Variants in CNTN5 observed in about 807,000 individuals in gnomAD.
The protein encoded by CNTN5 is contactin 5, also known as contactin-5.
A neutral mutation model predicts 129.1 loss-of-function variants in CNTN5; 77 were observed. The ratio of observed to expected loss-of-function variants is 0.60; its 90% confidence interval spans 0.50 to 0.72. The LOEUF (loss-of-function observed/expected upper bound fraction) is 0.72. Among genes scored for constraint, CNTN5 ranks in the 30% least tolerant of loss-of-function variants. CNTN5 has a pLI of 0.00. For synonymous variants in CNTN5, 509 were observed against 465.6 expected, an observed-to-expected ratio of 1.09 and a Z score of -1.20; for missense variants, 1,478 against 1,328.8, an observed-to-expected ratio of 1.11 and a Z score of -1.75.
intron 3 of CNTN5, among the ~76,000 whole-genome samples, chr11:99,594,372 G>C (rs143644284): frequency 6.6e-6 from 1 of 152,112 alleles, no homozygotes; most frequent in Admixed American, 6.6e-5. Context: ...CTGCCTGTCT[G>C]GGGGATGTTG....
At chr11:100,332,857 G>A (rs370098374) in intron 21 of CNTN5, among the ~76,000 whole-genome samples, 2 of 152,164 alleles carry the variant, frequency 1.3e-5, no homozygotes, top group South Asian at 2.1e-4. Context: ...GGGAAAACTC[G>A]AAACCATTTC....
At chr11:100,176,010 G>T (rs567245676) in intron 13 of CNTN5, among the ~76,000 whole-genome samples, 11 of 151,996 alleles carry the variant, frequency 7.2e-5, no homozygotes, top group African/African-American at 2.7e-4. Flanking sequence ...TGACTTTATA[G>T]TTGAAGGGAT....
intron 13 of CNTN5, among the ~76,000 whole-genome samples, chr11:100,187,834 T>A (rs1019549260): frequency 2.6e-5 from 4 of 152,052 alleles, no homozygotes; most frequent in African/African-American, 9.7e-5. Flanking sequence ...AGTATAAGAA[T>A]CCTAGAAGAA....
chr11:100,017,785 CACAA>C (rs1201399609), intron 9 of CNTN5, among the ~76,000 whole-genome samples: 7 of 151,914 alleles, frequency 4.6e-5, no homozygotes, highest in African/African-American at 1.7e-4. Flanking sequence ...GGATTTCACA[CACAA>C]ACACTTTTTG....
At chr11:100,237,016 C>G (rs1008699097) in intron 16 of CNTN5, among the ~76,000 whole-genome samples, 1 of 151,682 alleles carries the variant, frequency 6.6e-6, no homozygotes, top group African/African-American at 2.4e-5. Context: ...AGTGAAACCC[C>G]GTCTCTACTA....
chr11:99,918,688 G>A (rs924665278), intron 7 of CNTN5, among the ~76,000 whole-genome samples: 5 of 152,140 alleles, frequency 3.3e-5, no homozygotes, highest in African/African-American at 9.7e-5. Flanking sequence ...GTATAGCATA[G>A]TGTACTATAG....
At chr11:100,072,989 G>GAAAAAAAAAA (rs1943983679) in intron 12 of CNTN5, among the ~76,000 whole-genome samples, 5 of 17,998 alleles carry the variant, frequency 2.8e-4, no homozygotes, top group Non-Finnish European at 3.8e-4. Context: ...TTCCCAGGAG[G>GAAAAAAAAAA]CAAAAAAAAA....
At chr11:100,001,742 G>GT (rs1166542683) in intron 8 of CNTN5, among the ~76,000 whole-genome samples, 2 of 152,118 alleles carry the variant, frequency 1.3e-5, no homozygotes, top group Non-Finnish European at 2.9e-5. Flanking sequence ...AATAGTCATA[G>GT]TTTTTTTAGA....
At chr11:99,905,150 C>G (rs773729661) in intron 6 of CNTN5, among the ~76,000 whole-genome samples, 1 of 152,116 alleles carries the variant, frequency 6.6e-6, no homozygotes, top group Non-Finnish European at 1.5e-5. Flanking sequence ...TTAATTAGAT[C>G]TCATTTGTCA....
chr11:99,918,195 G>C (rs372034534), intron 7 of CNTN5, among the ~76,000 whole-genome samples: 29 of 151,954 alleles, frequency 1.9e-4, no homozygotes, highest in African/African-American at 6.8e-4. Flanking sequence ...CTTTTATACA[G>C]CTTCAATTTT....
At chr11:99,686,763 G>C (rs1366723316) in intron 3 of CNTN5, among the ~76,000 whole-genome samples, 1 of 152,154 alleles carries the variant, frequency 6.6e-6, no homozygotes, top group Non-Finnish European at 1.5e-5. Flanking sequence ...GTAATGGAGA[G>C]CTTGTGGACT....
intron 8 of CNTN5, among the ~76,000 whole-genome samples, chr11:99,975,780 G>A (rs1205314636): frequency 6.6e-6 from 1 of 152,168 alleles, no homozygotes; most frequent in African/African-American, 2.4e-5. Context: ...AGATTTGGAT[G>A]GGGACACAGA....
chr11:99,773,610 A>T (rs1345722521), intron 3 of CNTN5, among the ~76,000 whole-genome samples: 8 of 152,102 alleles, frequency 5.3e-5, no homozygotes, highest in Admixed American at 3.9e-4. Flanking sequence ...TGGTCATTTT[A>T]ATGTATAATT....
intron 2 of CNTN5, among the ~76,000 whole-genome samples, chr11:99,411,509 G>C (rs1055349011): frequency 2.0e-4 from 30 of 151,994 alleles, no homozygotes; most frequent in Non-Finnish European, 4.4e-5. Flanking sequence ...GACAGAATGA[G>C]ACCTTGTCTC....
intron 2 of CNTN5, among the ~76,000 whole-genome samples, chr11:99,358,096 T>C (rs1266712179): frequency 6.9e-6 from 1 of 144,942 alleles, no homozygotes; most frequent in Non-Finnish European, 1.5e-5. Flanking sequence ...TCAAATGCTC[T>C]ACCTTTTCAC....
At chr11:99,398,805 C>A (rs181565847) in intron 2 of CNTN5, among the ~76,000 whole-genome samples, 1 of 151,980 alleles carries the variant, frequency 6.6e-6, no homozygotes, top group Non-Finnish European at 1.5e-5. Context: ...AATAAAGCTA[C>A]TCTAAACAGC....
chr11:100,246,012 T>G (rs527402485), intron 16 of CNTN5, among the ~76,000 whole-genome samples: 70 of 152,278 alleles, frequency 4.6e-4, no homozygotes, highest in African/African-American at 1.6e-3. Flanking sequence ...GCTCCCCAGA[T>G]GGTAGAGATT....
chr11:99,492,637 A>C (rs1190894777), intron 2 of CNTN5, among the ~76,000 whole-genome samples: 1 of 152,164 alleles, frequency 6.6e-6, no homozygotes, highest in African/African-American at 2.4e-5. Flanking sequence ...TACCCATTGC[A>C]AGGGTCATTG....
At chr11:99,908,657 T>A (rs1175930278) in intron 6 of CNTN5, among the ~76,000 whole-genome samples, 1 of 152,124 alleles carries the variant, frequency 6.6e-6, no homozygotes, top group African/African-American at 2.4e-5. Context: ...TACAACTTTT[T>A]CATTGTAGAT....
Sources: allele counts gnomAD v4.1 joint callset (sites outside exome capture counted in the v4.1 genomes callset), GRCh38; gene constraint gnomAD v4.1.1; transcripts MANE v1.5; gene names NCBI Gene and HGNC (gene_info 2026-07-23, HGNC 2026-07-21).